The following CCDC7 variants were observed in gnomAD, a reference collection of about 807,000 sequenced individuals.
CCDC7 encodes the protein coiled-coil domain containing 7.
A neutral mutation model predicts 196.9 loss-of-function variants in CCDC7; 183 were observed. That is an observed-to-expected ratio of 0.93 (90% CI 0.82 to 1.05). CCDC7 has a LOEUF of 1.05. CCDC7 is among the 50% of genes least tolerant of loss of function. The probability of loss-of-function intolerance (pLI) is 0.00; values close to 1 mark genes in which losing one functional copy is unlikely to be tolerated. For missense variants in CCDC7, 1,540 were observed against 1,482.2 expected (o/e 1.04, Z -0.64); for synonymous variants, 525 against 484.6 (o/e 1.08, Z -1.10).
chr10:32,830,211 C>T (rs1349102403), intron 32 of CCDC7, among the ~76,000 whole-genome samples: 5 of 133,254 alleles, frequency 3.8e-5, no homozygotes, highest in East Asian at 4.5e-4. Flanking sequence ...AGAGGAATAA[C>T]ATTAGAAGCT....
chr10:32,477,437 G>T (rs1441723209), intron 8 of CCDC7, among the ~76,000 whole-genome samples: 1 of 152,062 alleles, frequency 6.6e-6, no homozygotes, highest in Non-Finnish European at 1.5e-5. Context: ...TCCTGAACTC[G>T]TGATCCGCCT....
At chr10:32,669,229 A>C (rs2073528572) in intron 21 of CCDC7, among the ~76,000 whole-genome samples, 1 of 152,066 alleles carries the variant, frequency 6.6e-6, no homozygotes, top group Admixed American at 6.6e-5. Context: ...CCATCCTTGC[A>C]CCCAGGAGAT....
At chr10:32,743,719 G>A (rs1484623583) in intron 28 of CCDC7, among the ~76,000 whole-genome samples, 1 of 152,076 alleles carries the variant, frequency 6.6e-6, no homozygotes, top group Non-Finnish European at 1.5e-5. Flanking sequence ...ATTCACAATA[G>A]CAAAGACTTG....
chr10:32,521,739 G>A (rs762246727), intron 11 of CCDC7, among the ~76,000 whole-genome samples: 1 of 152,092 alleles, frequency 6.6e-6, no homozygotes, highest in Non-Finnish European at 1.5e-5. Context: ...GTACTATGCT[G>A]AACAACAGTC....
intron 11 of CCDC7, among the ~76,000 whole-genome samples, chr10:32,528,204 C>CT (rs1351410903): frequency 1.3e-5 from 2 of 151,848 alleles, no homozygotes; most frequent in African/African-American, 4.8e-5. Flanking sequence ...GGATTCCATC[C>CT]TTTTTATGGC....
At chr10:32,610,758 T>C (rs1554898094) in intron 18 of CCDC7, among the ~76,000 whole-genome samples, 2 of 152,200 alleles carry the variant, frequency 1.3e-5, no homozygotes, top group South Asian at 4.1e-4. Context: ...GAACTCATCC[T>C]TTTTTATGGC....
chr10:32,648,445 A>T (rs763893705), intron 20 of CCDC7, among the ~76,000 whole-genome samples: 5 of 152,136 alleles, frequency 3.3e-5, no homozygotes, highest in Non-Finnish European at 7.4e-5. Flanking sequence ...CTATATTGAT[A>T]GTAAATAGTG....
intron 9 of CCDC7, among the ~76,000 whole-genome samples, chr10:32,495,660 A>G (rs1255780156): frequency 1.3e-5 from 2 of 152,170 alleles, no homozygotes; most frequent in African/African-American, 4.8e-5. Context: ...TCCTTTCTCC[A>G]CTGCTTGTTT....
chr10:32,785,889 C>T (rs1487892787), intron 29 of CCDC7, among the ~76,000 whole-genome samples: 1 of 152,024 alleles, frequency 6.6e-6, no homozygotes. Flanking sequence ...TGAGTTGTTT[C>T]AGGGAGCTAG....
Position 32,562,648 on chromosome 10 carries a change from C to T in CCDC7, c.1135-2910C>T, listed in dbSNP as rs536467138. Among the ~76,000 whole-genome samples the T allele has an allele frequency of 5.8e-3, 877 of 152,202 alleles. 14 individuals carry two copies. Among genetic ancestry groups the T allele is most frequent in the African/African-American group, 0.02 (836 of 41,492 alleles). On this transcript the variant is annotated intron_variant, in intron 13 of 41. Transcript: ENST00000639629. The stretch of plus-strand genomic sequence containing the variant: ...TAAATTAGGTATTGATGGGACGTAT[C>T]TCAAAATAATAAGAGCTATCTATGA...
At chr10:32,673,846 G>C (rs577468600) in intron 21 of CCDC7, among the ~76,000 whole-genome samples, 151 of 152,034 alleles carry the variant, frequency 9.9e-4, no homozygotes, top group African/African-American at 3.5e-3. Flanking sequence ...GTAGGTTATT[G>C]GTAGGTTCTA....
At chr10:32,696,977 G>A (rs2077819231) in intron 24 of CCDC7, among the ~76,000 whole-genome samples, 1 of 152,104 alleles carries the variant, frequency 6.6e-6, no homozygotes, top group Non-Finnish European at 1.5e-5. Context: ...CATGGACCAG[G>A]GCTGAGGTGG....
intron 18 of CCDC7, among the ~76,000 whole-genome samples, chr10:32,632,509 C>T (rs1291654894): frequency 2.6e-5 from 4 of 151,446 alleles, no homozygotes; most frequent in Non-Finnish European, 5.9e-5. Flanking sequence ...ATGTCCTCTT[C>T]TTTTTCTAGC....
intron 29 of CCDC7, among the ~76,000 whole-genome samples, chr10:32,785,548 T>C (rs1477540789): frequency 6.6e-6 from 1 of 151,810 alleles, no homozygotes; most frequent in Non-Finnish European, 1.5e-5. Flanking sequence ...AGCAAGAAGG[T>C]AGAAAAAGAA....
At chr10:32,472,762 ATT>A (rs533223630) in intron 7 of CCDC7, among the ~76,000 whole-genome samples, 1 of 144,532 alleles carries the variant, frequency 6.9e-6, no homozygotes, top group Non-Finnish European at 1.5e-5. Flanking sequence ...AGGCCAGCTG[ATT>A]TTTTTTTTTT....
intron 16 of CCDC7, among the ~76,000 whole-genome samples, chr10:32,576,627 T>C (rs1259668203): frequency 6.6e-6 from 1 of 150,580 alleles, no homozygotes; most frequent in African/African-American, 2.4e-5. Context: ...CATGGCTTAC[T>C]GCTTCTTCAA....
At chr10:32,816,914 TAAA>T (rs1311799153) in intron 31 of CCDC7, among the ~76,000 whole-genome samples, 142 of 152,084 alleles carry the variant, frequency 9.3e-4, no homozygotes, top group African/African-American at 3.2e-3. Flanking sequence ...ACAGAAACTC[TAAA>T]AATCAGAGTG....
At chr10:32,818,627 T>A (rs1322974621) in intron 31 of CCDC7, among the ~76,000 whole-genome samples, 1 of 152,206 alleles carries the variant, frequency 6.6e-6, no homozygotes, top group African/African-American at 2.4e-5. Flanking sequence ...ACAGAAATTA[T>A]AACAAACTGT....
chr10:32,700,437 A>T (rs945939851), intron 24 of CCDC7, among the ~76,000 whole-genome samples: 2 of 151,394 alleles, frequency 1.3e-5, no homozygotes, highest in East Asian at 1.9e-4. Flanking sequence ...TACCAGTACT[A>T]TGCTCTTTTG....
Sources: gnomAD v4.1 joint callset for allele counts (sites outside exome capture counted in the v4.1 genomes callset) on GRCh38, gnomAD v4.1.1 for gene constraint, MANE v1.5 for transcripts, NCBI Gene and HGNC (gene_info 2026-07-23, HGNC 2026-07-21) for gene names.